Variants in TP63 observed in about 807,000 individuals in gnomAD.
The protein encoded by TP63 is tumor protein 63.
TP63 carries 17 observed loss-of-function variants against 82.8 expected under a neutral mutation model. The observed-to-expected ratio is 0.21, with a 90% CI of 0.14 to 0.31. The LOEUF is 0.31. Among genes scored for constraint, TP63 ranks in the 10% least tolerant of loss-of-function variants. The pLI is 1.00. For missense variants in TP63, 648 were observed against 895.3 expected, an observed-to-expected ratio of 0.72 and a Z score of 3.52; for synonymous variants, 330 against 321.7, an observed-to-expected ratio of 1.03 and a Z score of -0.28.
chr3:189,616,028 T>C, the TP63 span, among the ~76,000 whole-genome samples: 1 of 152,208 alleles, frequency 6.6e-6, no homozygotes, highest in African/African-American at 2.4e-5. Context: ...GATTTTGGTG[T>C]CTTCTTACTG....
rs1204084048 is a variant in TP63, at chr3:189,868,722, T to G, written c.1129+6T>G. The G allele has an allele frequency of 6.2e-7, 1 of 1,613,812 alleles. No individual in the cohort carries two copies. Among genetic ancestry groups the G allele is most frequent in the South Asian group, 1.1e-5 (1 of 91,064 alleles). The stretch of plus-strand genomic sequence containing the variant: ...CGGTGATGGTACGAAGCGCCGTAAG[T>G]AGATGTAGTGGCCAAATGGGGTAGG... On this transcript the variant is annotated splice_donor_region_variant and intron_variant, in intron 8 of 13. Transcript: ENST00000264731.
chr3:189,761,571 C>G (rs1722573466), intron 3 of TP63, among the ~76,000 whole-genome samples: 1 of 152,016 alleles, frequency 6.6e-6, no homozygotes, highest in African/African-American at 2.4e-5. Context: ...TTCAACAAGT[C>G]TCTAGGAAGT....
intron 3 of TP63, among the ~76,000 whole-genome samples, chr3:189,768,373 T>C (rs1723103533): frequency 6.6e-6 from 1 of 152,146 alleles, no homozygotes; most frequent in African/African-American, 2.4e-5. Flanking sequence ...TTTACCAGCA[T>C]CAACATCCAA....
At chr3:189,738,935 T>C in intron 3 of TP63, 161 bp downstream of exon 3, 1 of 1,089,496 alleles carries the variant, frequency 9.2e-7, no homozygotes, top group South Asian at 1.4e-5. Flanking sequence ...TTGGTGTGGA[T>C]TATGCATTCT....
intron 1 of TP63, among the ~76,000 whole-genome samples, chr3:189,674,923 A>G (rs892314830): frequency 9.9e-5 from 15 of 152,090 alleles, no homozygotes; most frequent in Admixed American, 6.6e-5. Context: ...ACTAATGCTG[A>G]GGCACTCCTC....
chr3:189,708,960 T>C (rs1274372050), intron 1 of TP63, among the ~76,000 whole-genome samples: 1 of 152,188 alleles, frequency 6.6e-6, no homozygotes, highest in African/African-American at 2.4e-5. Context: ...TTTCACAGTT[T>C]CCACCAAAAG....
chr3:189,811,992 A>T (rs950137166), intron 4 of TP63, among the ~76,000 whole-genome samples: 59 of 152,252 alleles, frequency 3.9e-4, no homozygotes, highest in African/African-American at 1.4e-3. Context: ...GCAATTTTTC[A>T]AAATAAAATG....
At chr3:189,834,663 C>T (rs1004101274) in intron 4 of TP63, among the ~76,000 whole-genome samples, 1 of 152,122 alleles carries the variant, frequency 6.6e-6, no homozygotes, top group Non-Finnish European at 1.5e-5. Flanking sequence ...ACTTGCAGGT[C>T]GCTTTCATCT....
intron 3 of TP63, among the ~76,000 whole-genome samples, chr3:189,797,794 G>T (rs909150473): frequency 6.6e-6 from 1 of 151,948 alleles, no homozygotes; most frequent in African/African-American, 2.4e-5. Context: ...AAATCAGAAT[G>T]GTGAGACTTC....
Position 189,869,329 on chromosome 3 carries a change from C to T in TP63, c.1135C>T (p.Arg379Cys), listed in dbSNP as rs761885185. The T allele has an allele frequency of 4.3e-6, 7 of 1,614,048 alleles. No homozygotes were observed. Among genetic ancestry groups the T allele is most frequent in the Non-Finnish European group, 5.9e-6 (7 of 1,179,948 alleles). Residue 379 changes from arginine (R) to cysteine (C), a missense_variant, in exon 9 of 14, where the codon CGT becomes TGT. Physicochemically the swap from Arg to Cys is radical, Grantham distance 180. Coordinates refer to ENST00000264731, the MANE Select transcript of TP63 (RefSeq NM_003722.5). ...KNGDGTKRPF[R>C]QNTHGIQMTS... ...TTGCATTTTTCCTCCACCAGCGTTTCGTCAGAACACACATGGTATCCAGAT... is the reference window on the plus strand; with the variant it reads ...TTGCATTTTTCCTCCACCAGCGTTTTGTCAGAACACACATGGTATCCAGAT...
At chr3:189,721,499 T>G (rs1490403887) in intron 1 of TP63, among the ~76,000 whole-genome samples, 1 of 151,780 alleles carries the variant, frequency 6.6e-6, no homozygotes, top group Non-Finnish European at 1.5e-5. Flanking sequence ...GCATTGCCCG[T>G]TGTGATTGGA....
At chr3:189,848,272 T>TCTCTCTCTCTCTCTCTCTCTCTCTCTCTC (rs1279828077) in intron 4 of TP63, among the ~76,000 whole-genome samples, 4 of 148,704 alleles carry the variant, frequency 2.7e-5, no homozygotes, top group African/African-American at 1.0e-4. Flanking sequence ...TCTCTCTCTG[T>TCTCTCTCTCTCTCTCTCTCTCTCTCTCTC]TGCCTAGGCT....
intron 1 of TP63, among the ~76,000 whole-genome samples, chr3:189,689,286 T>A (rs1385380788): frequency 6.6e-6 from 1 of 151,750 alleles, no homozygotes; most frequent in Non-Finnish European, 1.5e-5. Context: ...CAGCTAATTT[T>A]TGTATTTTTA....
At chr3:189,754,047 G>A (rs1450014382) in intron 3 of TP63, among the ~76,000 whole-genome samples, 5 of 152,072 alleles carry the variant, frequency 3.3e-5, no homozygotes, top group Non-Finnish European at 7.4e-5. Flanking sequence ...AAGAACTCAA[G>A]AGAAAAATAG....
chr3:189,704,123 G>A (rs1041726781), intron 1 of TP63, among the ~76,000 whole-genome samples: 1 of 152,224 alleles, frequency 6.6e-6, no homozygotes, highest in African/African-American at 2.4e-5. Flanking sequence ...CTTCAGGCTA[G>A]CCCTGCGCAA....
intron 1 of TP63, among the ~76,000 whole-genome samples, chr3:189,736,927 G>A (rs1032411035): frequency 6.6e-6 from 1 of 152,028 alleles, no homozygotes; most frequent in East Asian, 1.9e-4. Context: ...AAGATGATCT[G>A]CCCGGATAAT....
At chr3:189,844,684 T>TA (rs1237516277) in intron 4 of TP63, among the ~76,000 whole-genome samples, 2 of 152,216 alleles carry the variant, frequency 1.3e-5, no homozygotes, top group Non-Finnish European at 2.9e-5. Context: ...AAATCCAAAG[T>TA]ATAGTATATA....
intron 1 of TP63, among the ~76,000 whole-genome samples, chr3:189,722,676 C>T (rs1433272615): frequency 6.6e-6 from 1 of 152,198 alleles, no homozygotes; most frequent in African/African-American, 2.4e-5. Flanking sequence ...CAAAGTTATA[C>T]ACCTAGTAAA....
intron 6 of TP63, among the ~76,000 whole-genome samples, chr3:189,867,371 G>T (rs1452780137): frequency 6.6e-6 from 1 of 152,156 alleles, no homozygotes; most frequent in African/African-American, 2.4e-5. Flanking sequence ...ACTAGATTAT[G>T]TTTAATTCTG....
Sources: allele counts gnomAD v4.1 joint callset (sites outside exome capture counted in the v4.1 genomes callset), GRCh38; gene constraint gnomAD v4.1.1; transcripts MANE v1.5; gene names NCBI Gene and HGNC (gene_info 2026-07-23, HGNC 2026-07-21).